Variants in MAML2 observed in about 807,000 individuals in gnomAD.
The protein encoded by MAML2 is mastermind like transcriptional coactivator 2.
MAML2 carries 22 observed loss-of-function variants against 96.1 expected under a neutral mutation model. The ratio of observed to expected loss-of-function variants is 0.23; its 90% confidence interval spans 0.16 to 0.33. MAML2 has a LOEUF of 0.33. Among genes scored for constraint, MAML2 ranks in the 10% least tolerant of loss-of-function variants. MAML2 has a pLI of 1.00. For synonymous variants in MAML2, 561 were observed against 521.3 expected (o/e 1.08, Z -1.04); for missense variants, 1,367 against 1,392.4 (o/e 0.98, Z 0.29).
intron 1 of MAML2, among the ~76,000 whole-genome samples, chr11:96,182,374 AGGCACTTGC>A (rs1477326395): frequency 3.3e-5 from 5 of 152,324 alleles, no homozygotes; most frequent in African/African-American, 9.6e-5. Context: ...GCAGATCGCT[AGGCACTTGC>A]CTATGTACCA....
chr11:95,995,656 A>C (rs1404047237), intron 2 of MAML2, among the ~76,000 whole-genome samples: 1 of 152,200 alleles, frequency 6.6e-6, no homozygotes, highest in African/African-American at 2.4e-5. Flanking sequence ...GAAGGAGCTC[A>C]CACTGTAAGT....
chr11:96,004,387 T>C (rs1470715472), intron 2 of MAML2, among the ~76,000 whole-genome samples: 1 of 152,132 alleles, frequency 6.6e-6, no homozygotes, highest in Non-Finnish European at 1.5e-5. Context: ...AATAAAAAAA[T>C]TGATTTCCAA....
intron 3 of MAML2, among the ~76,000 whole-genome samples, chr11:95,988,078 A>C: frequency 6.6e-6 from 1 of 151,036 alleles, no homozygotes; most frequent in South Asian, 2.1e-4. Context: ...TTTCTTATGT[A>C]ATTAGGTGTT....
chr11:96,052,311 AC>A (rs775469784), intron 2 of MAML2, among the ~76,000 whole-genome samples: 37 of 152,116 alleles, frequency 2.4e-4, no homozygotes, highest in Non-Finnish European at 4.4e-4. Context: ...TGCATTAAGA[AC>A]CCTTACCATG....
intron 1 of MAML2, among the ~76,000 whole-genome samples, chr11:96,118,757 G>T (rs1356478511): frequency 2.6e-5 from 4 of 152,054 alleles, no homozygotes; most frequent in African/African-American, 9.7e-5. Context: ...AAGAAGTGAT[G>T]CAAAAAAATC....
chr11:96,335,563 C>T (rs181070807), intron 1 of MAML2, among the ~76,000 whole-genome samples: 631 of 152,248 alleles, frequency 4.1e-3, no homozygotes, highest in Non-Finnish European at 7.0e-3. Context: ...GTGTAAATAG[C>T]AAGGCATTAA....
intron 1 of MAML2, among the ~76,000 whole-genome samples, chr11:96,243,266 G>A (rs1862461307): frequency 6.6e-6 from 1 of 152,116 alleles, no homozygotes; most frequent in Non-Finnish European, 1.5e-5. Context: ...TTAAAAATGC[G>A]AGGATAAGGC....
At chr11:96,115,637 C>T (rs917577160) in intron 1 of MAML2, among the ~76,000 whole-genome samples, 9 of 152,104 alleles carry the variant, frequency 5.9e-5, no homozygotes, top group African/African-American at 1.2e-4. Flanking sequence ...CTGTCATACA[C>T]GTGTTCAAGG....
intron 1 of MAML2, among the ~76,000 whole-genome samples, chr11:96,302,555 G>T (rs927586394): frequency 6.6e-6 from 1 of 152,138 alleles, no homozygotes; most frequent in Admixed American, 6.5e-5. Context: ...ATGGCACTTG[G>T]ATATAAACCA....
Position 96,297,215 on chromosome 11 carries a change from T to C in MAML2, c.513+44168A>G, listed in dbSNP as rs145246545. Among the ~76,000 whole-genome samples, 237 of 152,296 alleles carry C rather than the reference T, an allele frequency of 1.6e-3. 2 individuals are homozygous for C. Among genetic ancestry groups the C allele is most frequent in the African/African-American group, 5.7e-3 (235 of 41,554 alleles). ...AGACATCTTCATTTACAATTTTGCA[T>C]TTAAAATTTAATTAATTCAAAAGTT... On this transcript the variant is annotated intron_variant, in intron 1 of 4. Coordinates refer to ENST00000524717, the MANE Select transcript of MAML2 (RefSeq NM_032427.4).
intron 4 of MAML2, among the ~76,000 whole-genome samples, chr11:95,980,317 A>G (rs532996781): frequency 5.5e-4 from 84 of 152,216 alleles, no homozygotes; most frequent in South Asian, 3.7e-3. Context: ...TACAGTCTTG[A>G]TTAGTCAGCT....
intron 1 of MAML2, among the ~76,000 whole-genome samples, chr11:96,177,388 G>A (rs1342767974): frequency 1.3e-5 from 2 of 152,202 alleles, no homozygotes; most frequent in African/African-American, 4.8e-5. Flanking sequence ...AAAGAAGCAG[G>A]CATGCATGTG....
At chr11:96,034,435 G>C (rs1858669902) in intron 2 of MAML2, among the ~76,000 whole-genome samples, 1 of 128,556 alleles carries the variant, frequency 7.8e-6, no homozygotes, top group South Asian at 2.7e-4. Context: ...GTGTGTGTGA[G>C]AGAGAGAGAG....
intron 1 of MAML2, among the ~76,000 whole-genome samples, chr11:96,340,722 T>A (rs1260596983): frequency 6.6e-6 from 1 of 152,082 alleles, no homozygotes; most frequent in Non-Finnish European, 1.5e-5. Flanking sequence ...CTTGGGAAAA[T>A]AATCGAGATG....
intron 1 of MAML2, among the ~76,000 whole-genome samples, chr11:96,168,563 G>T (rs1435406830): frequency 1.3e-5 from 2 of 152,154 alleles, no homozygotes; most frequent in Non-Finnish European, 2.9e-5. Context: ...ATAGATCTCA[G>T]AACCTGCATT....
rs1861390132 is a variant in MAML2 at position 96,176,483 on chromosome 11, C to A, written c.514-82966G>T. ...CTTGAGGTAGGAGAGAGCTAAGGTACCCTGGATCTATTCTGCGGTGCTGCT... is the reference window on the plus strand; with the variant it reads ...CTTGAGGTAGGAGAGAGCTAAGGTAACCTGGATCTATTCTGCGGTGCTGCT... On this transcript the variant is annotated intron_variant, in intron 1 of 4. Transcript: ENST00000524717. Among the ~76,000 whole-genome samples the A allele has an allele frequency of 6.6e-5, 10 of 152,150 alleles. No homozygotes were observed. In the South Asian group the frequency reaches 2.1e-3, roughly 32 times the overall value.
chr11:96,217,302 C>T (rs1175258233), intron 1 of MAML2, among the ~76,000 whole-genome samples: 1 of 152,218 alleles, frequency 6.6e-6, no homozygotes, highest in Non-Finnish European at 1.5e-5. Context: ...TGCACAAGCG[C>T]AAATGCACTG....
intron 4 of MAML2, among the ~76,000 whole-genome samples, chr11:95,980,647 C>G (rs1851921822): frequency 6.6e-6 from 1 of 152,236 alleles, no homozygotes; most frequent in African/African-American, 2.4e-5. Flanking sequence ...TTCCCTTCCT[C>G]ACTGAGCCCT....
At chr11:95,998,988 A>T (rs1453915172) in intron 2 of MAML2, among the ~76,000 whole-genome samples, 1 of 152,162 alleles carries the variant, frequency 6.6e-6, no homozygotes, top group Non-Finnish European at 1.5e-5. Flanking sequence ...TTAAATGGGT[A>T]CCCTTTTTCC....
Sources: gnomAD v4.1 joint callset for allele counts (sites outside exome capture counted in the v4.1 genomes callset) on GRCh38, gnomAD v4.1.1 for gene constraint, MANE v1.5 for transcripts, NCBI Gene and HGNC (gene_info 2026-07-23, HGNC 2026-07-21) for gene names.